ALK: variants seen among roughly 807,000 people sequenced by gnomAD.
The protein encoded by ALK is ALK receptor tyrosine kinase.
Under a neutral mutation model 163.1 loss-of-function variants are expected in ALK, and 74 were observed. The ratio of observed to expected loss-of-function variants is 0.45; its 90% CI spans 0.38 to 0.55. The LOEUF is 0.55. ALK is among the 20% of genes least tolerant of loss of function. ALK has a pLI of 0.00. For missense variants in ALK, 2,063 were observed against 2,105.3 expected (o/e 0.98, Z 0.39); for synonymous variants, 960 against 843.2 (o/e 1.14, Z -2.40).
chr2:29,237,063 A>T (rs1241556174), intron 13 of ALK, among the ~76,000 whole-genome samples: 1 of 152,156 alleles, frequency 6.6e-6, no homozygotes, highest in Non-Finnish European at 1.5e-5. Flanking sequence ...GCTCAGGCAC[A>T]ATTTTTGGAG....
At chr2:29,282,127 A>C (rs11127212) in intron 9 of ALK, among the ~76,000 whole-genome samples, 154 of 152,114 alleles carry the variant, frequency 1.0e-3, no homozygotes, top group African/African-American at 3.4e-3. Context: ...GGCTCGGAAG[A>C]AGGGAGTGTC....
At chr2:29,269,616 C>A (rs562532967) in intron 11 of ALK, among the ~76,000 whole-genome samples, 1 of 152,060 alleles carries the variant, frequency 6.6e-6, no homozygotes, top group Admixed American at 6.5e-5. Flanking sequence ...GTACTTCCTG[C>A]GTCATCACTA....
At chr2:29,310,381 A>G (rs1666664730) in intron 8 of ALK, among the ~76,000 whole-genome samples, 1 of 152,338 alleles carries the variant, frequency 6.6e-6, no homozygotes, top group African/African-American at 2.4e-5. Context: ...TTTGAAAACT[A>G]CATCCTTAGT....
intron 1 of ALK, among the ~76,000 whole-genome samples, chr2:29,899,983 T>G (rs752845159): frequency 6.6e-6 from 1 of 152,260 alleles, no homozygotes; most frequent in South Asian, 2.1e-4. Flanking sequence ...CTGCAGTGGC[T>G]GCTTCGTGGG....
intron 5 of ALK, among the ~76,000 whole-genome samples, chr2:29,337,012 G>A (rs568671236): frequency 3.3e-4 from 51 of 152,268 alleles, no homozygotes; most frequent in African/African-American, 1.2e-3. Context: ...AGGGGACTGG[G>A]CCATGATCTG....
At chr2:29,676,699 A>C (rs1363728010) in intron 3 of ALK, among the ~76,000 whole-genome samples, 1 of 152,046 alleles carries the variant, frequency 6.6e-6, no homozygotes, top group African/African-American at 2.4e-5. Flanking sequence ...TTTTGATAGC[A>C]ATTACATTAA....
At chr2:29,610,244 G>A (rs979595410) in intron 3 of ALK, among the ~76,000 whole-genome samples, 13 of 152,294 alleles carry the variant, frequency 8.5e-5, no homozygotes, top group Middle Eastern at 3.4e-3. Flanking sequence ...GCGTATGGAT[G>A]GGGAAACCAA....
At chr2:29,308,590 G>A (rs996406354) in intron 8 of ALK, among the ~76,000 whole-genome samples, 46 of 152,210 alleles carry the variant, frequency 3.0e-4, no homozygotes, top group African/African-American at 1.1e-3. Flanking sequence ...CGGTGGGACC[G>A]TGCTGTGAAC....
At chr2:29,638,015 A>T (rs1324236146) in intron 3 of ALK, among the ~76,000 whole-genome samples, 1 of 86,412 alleles carries the variant, frequency 1.2e-5, no homozygotes, top group African/African-American at 3.2e-5. Flanking sequence ...TCAATGAAAT[A>T]AGCAGAGCTC....
intron 3 of ALK, among the ~76,000 whole-genome samples, chr2:29,636,804 A>G (rs1676546794): frequency 2.6e-5 from 4 of 152,244 alleles, no homozygotes. Context: ...CATTGTATCA[A>G]AAAGGATAAA....
rs146536868 is a variant in ALK at position 29,622,097 on chromosome 2, C to T, written c.952+72753G>A. The stretch of plus-strand genomic sequence containing the variant: ...TAGCTTGGTTTAGTGAACACCCATA[C>T]CGCTAAATTAATTTAACAGTTAATA... On this transcript the variant is annotated intron_variant, in intron 3 of 28. Transcript: ENST00000389048. Among the ~76,000 whole-genome samples, 576 of 152,254 alleles carry T rather than the reference C, an allele frequency of 3.8e-3. 1 individual carries two copies. Among genetic ancestry groups the T allele is most frequent in the African/African-American group, 0.012 (518 of 41,540 alleles).
At chr2:29,888,263 A>ATTT (rs1558534593) in intron 1 of ALK, among the ~76,000 whole-genome samples, 1 of 36,208 alleles carries the variant, frequency 2.8e-5, no homozygotes, top group African/African-American at 9.9e-5. Flanking sequence ...TTTTTTTTTA[A>ATTT]AAAAAGGGAA....
intron 1 of ALK, among the ~76,000 whole-genome samples, chr2:29,810,058 T>A (rs1038820714): frequency 6.6e-6 from 1 of 152,208 alleles, no homozygotes; most frequent in Non-Finnish European, 1.5e-5. Flanking sequence ...GGTGTCAAGA[T>A]GGTGGTGTTT....
At chr2:29,834,190 T>C (rs1170521342) in intron 1 of ALK, among the ~76,000 whole-genome samples, 1 of 152,226 alleles carries the variant, frequency 6.6e-6, no homozygotes, top group Non-Finnish European at 1.5e-5. Flanking sequence ...ACCACTAACT[T>C]CTCAGCCAAT....
At chr2:29,409,553 G>A (rs975210155) in intron 4 of ALK, among the ~76,000 whole-genome samples, 1 of 152,080 alleles carries the variant, frequency 6.6e-6, no homozygotes, top group African/African-American at 2.4e-5. Context: ...CTCCAGAGGG[G>A]AGGACACAAT....
At chr2:29,630,499 TA>T (rs1676336220) in intron 3 of ALK, among the ~76,000 whole-genome samples, 2 of 152,150 alleles carry the variant, frequency 1.3e-5, no homozygotes, top group Non-Finnish European at 2.9e-5. Context: ...AAGAAAATGT[TA>T]AGCTTTTATG....
chr2:29,298,043 C>G (rs1048789768), intron 8 of ALK, among the ~76,000 whole-genome samples: 2 of 152,174 alleles, frequency 1.3e-5, no homozygotes, highest in Non-Finnish European at 2.9e-5. Context: ...CCTTTGTCTT[C>G]CAGTCCTTGA....
intron 4 of ALK, among the ~76,000 whole-genome samples, chr2:29,471,428 G>C (rs1444165571): frequency 6.6e-6 from 1 of 152,126 alleles, no homozygotes; most frequent in East Asian, 1.9e-4. Flanking sequence ...ATATCAAATA[G>C]GTAATACATC....
At chr2:29,731,345 G>T (rs550471101) in intron 1 of ALK, among the ~76,000 whole-genome samples, 29 of 152,206 alleles carry the variant, frequency 1.9e-4, no homozygotes, top group Admixed American at 7.2e-4. Context: ...TGGCCAAGAT[G>T]GCTTGGCTTC....
Sources: gnomAD v4.1 joint callset for allele counts (sites outside exome capture counted in the v4.1 genomes callset) on GRCh38, gnomAD v4.1.1 for gene constraint, MANE v1.5 for transcripts, NCBI Gene and HGNC (gene_info 2026-07-23, HGNC 2026-07-21) for gene names.